The following AKAP10 variants were observed in gnomAD, a reference collection of about 807,000 sequenced individuals.
AKAP10 encodes the protein A-kinase anchor protein 10, mitochondrial.
AKAP10 carries 24 observed loss-of-function variants against 80.8 expected under a neutral mutation model. The ratio of observed to expected loss-of-function variants is 0.30; its 90% CI spans 0.22 to 0.42. The LOEUF (loss-of-function observed/expected upper bound fraction) is 0.42. AKAP10 is among the 10% of genes least tolerant of loss of function. The pLI, the probability that AKAP10 is intolerant of heterozygous loss-of-function variation, is 1.00. For synonymous variants in AKAP10, 291 were observed against 277.7 expected, an observed-to-expected ratio of 1.05 and a Z score of -0.48; for missense variants, 661 against 794.9, an observed-to-expected ratio of 0.83 and a Z score of 2.03.
chr17:19,936,600 C>A (rs1445382775), intron 8 of AKAP10, among the ~76,000 whole-genome samples, 170 bp from the exon 9 acceptor site: 1 of 152,204 alleles, frequency 6.6e-6, no homozygotes, highest in African/African-American at 2.4e-5. Context: ...GTTCCCACTT[C>A]CCCAGAGATA....
rs369900601 is a variant in AKAP10 at position 19,926,071 on chromosome 17, A to G, written c.1642-1554T>C. Among the ~76,000 whole-genome samples the G allele has an allele frequency of 3.6e-4, 55 of 152,348 alleles. No individual in the cohort carries two copies. In the East Asian group the frequency reaches 6.9e-3, roughly 19 times the overall value. On this transcript the variant is annotated intron_variant, in intron 10 of 14. Transcript: ENST00000225737. The stretch of plus-strand genomic sequence containing the variant: ...TAAGCGTTCAGATACAAAATCTTCA[A>G]CAAAATACCAGTAAATGGAATCCAG...
At chr17:19,939,872 G>A in intron 7 of AKAP10, 23 bp from the exon 8 acceptor site, 1 of 1,602,742 alleles carries the variant, frequency 6.2e-7, no homozygotes, top group Non-Finnish European at 8.5e-7. Context: ...AATACACAAG[G>A]GAAAATAAGA....
intron 14 of AKAP10, 81 bp from the exon 15 acceptor site, chr17:19,906,313 C>T (rs2042631470): frequency 7.5e-6 from 11 of 1,468,090 alleles, no homozygotes; most frequent in Non-Finnish European, 1.0e-5. Context: ...GGATGGACAC[C>T]AACACTTAGT....
At chr17:19,934,771 C>G (rs781594656) in intron 9 of AKAP10, among the ~76,000 whole-genome samples, 4 of 152,090 alleles carry the variant, frequency 2.6e-5, no homozygotes, top group Non-Finnish European at 5.9e-5. Context: ...CCAGCACTTT[C>G]GGAGGCCAAA....
intron 12 of AKAP10, among the ~76,000 whole-genome samples, chr17:19,916,036 C>T (rs933769930): frequency 1.1e-4 from 16 of 152,318 alleles, no homozygotes; most frequent in East Asian, 5.8e-4. Flanking sequence ...TCCAGCCACA[C>T]GGGGCTTGCT....
intron 12 of AKAP10, among the ~76,000 whole-genome samples, chr17:19,916,177 C>T (rs1036897139): frequency 6.6e-6 from 1 of 152,228 alleles, no homozygotes; most frequent in Non-Finnish European, 1.5e-5. Flanking sequence ...AATGCCACCT[C>T]CTCAGTGAGG....
chr17:19,952,870 T>G (rs2152416859), intron 4 of AKAP10, among the ~76,000 whole-genome samples: 1 of 152,178 alleles, frequency 6.6e-6, no homozygotes, highest in East Asian at 1.9e-4. Context: ...GTGATATAAC[T>G]GCATACAAAG....
rs150977996 is a variant in AKAP10, at chr17:19,958,071, C to T, written c.820G>A (p.Ala274Thr). ...TQESSSTLTV[A>T]SRNSPASPLK... ...GGAGAAGCGGGACTATTTCTACTGGCTACTGTAAGTGTAGAGGAAGATTCT... is the reference window on the plus strand; with the variant it reads ...GGAGAAGCGGGACTATTTCTACTGGTTACTGTAAGTGTAGAGGAAGATTCT... Residue 274 changes from alanine to threonine, a missense_variant, in exon 4 of 15, where the codon GCC becomes ACC. Ala to Thr is a moderately conservative substitution (Grantham distance 58). Transcript: ENST00000225737. 2.4e-5 allele frequency: 39 copies of T among 1,614,186 alleles called. No homozygotes were observed. In the African/African-American group the frequency reaches 4.1e-4, roughly 17 times the overall value.
intron 2 of AKAP10, among the ~76,000 whole-genome samples, chr17:19,964,147 A>G (rs938157419): frequency 3.3e-5 from 5 of 152,216 alleles, no homozygotes; most frequent in African/African-American, 1.2e-4. Context: ...TATAAACAAA[A>G]GCCAGTTTTC....
chr17:19,909,379 C>A, intron 13 of AKAP10, 103 bp from the exon 14 acceptor site: 1 of 1,008,982 alleles, frequency 9.9e-7, no homozygotes, highest in South Asian at 1.8e-5. Context: ...ATAATTTCTA[C>A]TTATTTGGAT....
At chr17:19,970,822 TAAAA>T (rs911081865) in intron 1 of AKAP10, among the ~76,000 whole-genome samples, 5 of 148,214 alleles carry the variant, frequency 3.4e-5, no homozygotes, top group African/African-American at 9.8e-5. Flanking sequence ...GACTCTGTCT[TAAAA>T]AAAAAAAAAT....
chr17:19,945,403 T>G (rs1224831625), intron 5 of AKAP10, among the ~76,000 whole-genome samples: 1 of 152,210 alleles, frequency 6.6e-6, no homozygotes, highest in African/African-American at 2.4e-5. Flanking sequence ...ATCCCTGTTG[T>G]ATTACTAGGA....
chr17:19,954,487 CT>C lies in AKAP10; in HGVS notation c.877+3526del, dbSNP rs34866336. On this transcript the variant is annotated intron_variant, in intron 4 of 14. Coordinates refer to ENST00000225737, the MANE Select transcript of AKAP10 (RefSeq NM_007202.4). ...AAACGTAAAGTGTAAAACCATAATA[CT>C]TTTTTTTTTTTTTTGAGATGGAGTC... Among the ~76,000 whole-genome samples, 455 of 140,322 alleles carry C rather than the reference CT, an allele frequency of 3.2e-3. 5 individuals are homozygous for C. The East Asian group carries it at 0.034, about 11-fold the overall frequency. 92.1% of individuals were successfully genotyped at this position (140,322 alleles called of 152,430 possible).
chr17:19,951,323 G>C (rs1222293927), intron 4 of AKAP10, among the ~76,000 whole-genome samples: 1 of 151,852 alleles, frequency 6.6e-6, no homozygotes, highest in Non-Finnish European at 1.5e-5. Flanking sequence ...GAGGTGGGGG[G>C]CGCCTCTGCC....
chr17:19,917,767 C>A (rs1221614913), intron 12 of AKAP10, among the ~76,000 whole-genome samples: 1 of 151,912 alleles, frequency 6.6e-6, no homozygotes, highest in Non-Finnish European at 1.5e-5. Context: ...CTAAAAATAA[C>A]AAAAAATTAG....
chr17:19,934,419 C>G (rs1253808900), intron 9 of AKAP10, among the ~76,000 whole-genome samples: 1 of 152,160 alleles, frequency 6.6e-6, no homozygotes, highest in Non-Finnish European at 1.5e-5. Flanking sequence ...ATGAACACGG[C>G]TCACTGCAGC....
At chr17:19,971,241 G>A (rs2043493710) in intron 1 of AKAP10, among the ~76,000 whole-genome samples, 1 of 151,866 alleles carries the variant, frequency 6.6e-6, no homozygotes, top group Non-Finnish European at 1.5e-5. Context: ...GAGCACGGTG[G>A]CTCACGCCTG....
rs139415446 is a variant in AKAP10, at chr17:19,904,375, C to T, written c.*1852G>A. Reference sequence around the variant, plus strand: ...AGCTCAGAAGCACAAAATGTATATACAAAGAAATGATTAGAATTTATCTTA... The same window carrying T: ...AGCTCAGAAGCACAAAATGTATATATAAAGAAATGATTAGAATTTATCTTA... On this transcript the variant is annotated 3_prime_UTR_variant, in exon 15 of 15. Transcript: ENST00000225737. 1.5e-3 allele frequency: 222 copies of T among 152,248 alleles called. No individual in the cohort carries two copies. Among genetic ancestry groups the T allele is most frequent in the African/African-American group, 5.2e-3 (215 of 41,564 alleles). The allele number at this position is 152,248 out of a possible 1,614,324, so 9.4% of individuals were successfully genotyped here.
At chr17:19,922,166 T>C (rs902557159) in intron 11 of AKAP10, among the ~76,000 whole-genome samples, 2 of 152,182 alleles carry the variant, frequency 1.3e-5, no homozygotes, top group African/African-American at 4.8e-5. Context: ...CCCAGCACTT[T>C]GGGAGGCTGA....
Sources: gnomAD v4.1 joint callset for allele counts (sites outside exome capture counted in the v4.1 genomes callset) on GRCh38, gnomAD v4.1.1 for gene constraint, MANE v1.5 for transcripts, NCBI Gene and HGNC (gene_info 2026-07-23, HGNC 2026-07-21) for gene names.